The following ULK4 variants were observed in gnomAD, a reference collection of about 807,000 sequenced individuals.
ULK4 encodes the protein unc-51 like kinase 4, also known as inactive serine/threonine-protein kinase ULK4.
ULK4 carries 133 observed loss-of-function variants against 160.6 expected under a neutral mutation model. The ratio of observed to expected loss-of-function variants is 0.83; its 90% CI spans 0.72 to 0.96. The LOEUF is 0.96. Among genes scored for constraint, ULK4 ranks in the 40% least tolerant of loss-of-function variants. The probability of loss-of-function intolerance (pLI) is 0.00; values close to 1 mark genes in which losing one functional copy is unlikely to be tolerated. For missense variants in ULK4, 1,580 were observed against 1,499.5 expected (o/e 1.05, Z -0.89); for synonymous variants, 534 against 539.8 (o/e 0.99, Z 0.15).
chr3:41,918,545 A>T lies in ULK4; in HGVS notation c.644-5T>A. The stretch of plus-strand genomic sequence containing the variant: ...CTGAGAAGAATGGAGGTTTTCCTGA[A>T]ATCACATGAAAACTTGCAAAATGAA... On this transcript the variant is annotated splice_region_variant and splice_polypyrimidine_tract_variant and intron_variant, in intron 6 of 36. Transcript: ENST00000301831. The T allele has an allele frequency of 3.3e-6, 5 of 1,519,238 alleles. No homozygotes were observed. The highest frequency in any genetic ancestry group is 3.6e-6 in the Non-Finnish European group (4 of 1,124,388). 94.1% of individuals were successfully genotyped at this position (1,519,238 alleles called of 1,614,324 possible). A position where few individuals can be genotyped will look rare whatever the true frequency, so the allele number is the denominator to read the frequency against.
chr3:41,689,635 T>C (rs1335289617), intron 27 of ULK4, among the ~76,000 whole-genome samples: 5 of 152,098 alleles, frequency 3.3e-5, no homozygotes, highest in African/African-American at 1.2e-4. Flanking sequence ...GCAAAGGACA[T>C]GAATACACAC....
intron 20 of ULK4, among the ~76,000 whole-genome samples, chr3:41,793,301 T>G (rs1425950720): frequency 2.0e-5 from 3 of 152,226 alleles, no homozygotes; most frequent in Non-Finnish European, 1.5e-5. Flanking sequence ...CTCCAGAATT[T>G]GAATTTTCTT....
Position 41,911,216 on chromosome 3 carries a change from T to C in ULK4, c.1085+101A>G, listed in dbSNP as rs1023086864. 6 of 1,152,716 alleles carry C rather than the reference T, an allele frequency of 5.2e-6. No homozygotes were observed. In the African/African-American group the frequency reaches 7.8e-5, roughly 15 times the overall value. The allele number at this position is 1,152,716 out of a possible 1,614,324, so 71.4% of individuals were successfully genotyped here. A position where few individuals can be genotyped will look rare whatever the true frequency, so the allele number is the denominator to read the frequency against. On this transcript the variant is annotated intron_variant, in intron 11 of 36. Transcript: ENST00000301831. Reference sequence around the variant, plus strand: ...CTGGCATTTGGCACTAAAATTCCTGTTCTTTATCTCTGTGTAACAAAGTTT... The same window carrying C: ...CTGGCATTTGGCACTAAAATTCCTGCTCTTTATCTCTGTGTAACAAAGTTT...
intron 16 of ULK4, among the ~76,000 whole-genome samples, chr3:41,894,553 CT>C (rs1698086764): frequency 6.6e-6 from 1 of 152,168 alleles, no homozygotes; most frequent in African/African-American, 2.4e-5. Context: ...ATAACTACAA[CT>C]TCTACAACCC....
rs139871254 is a variant in ULK4, at chr3:41,943,018, C to G, written c.139-4821G>C. On this transcript the variant is annotated intron_variant, in intron 2 of 36. Transcript: ENST00000301831. The stretch of plus-strand genomic sequence containing the variant: ...CACGAGGTAAGGAGATCAAGACCAT[C>G]CTGGCTAATATGGTGAAACCCCATC... 4.0e-3 allele frequency among the ~76,000 whole-genome samples: 607 copies of G among 151,968 alleles called. 3 individuals are homozygous for G. The highest frequency in any genetic ancestry group is 0.014 in the African/African-American group (576 of 41,464).
rs1421103211 is a variant in ULK4, at chr3:41,340,061, ACT to A, written c.3678+58016_3678+58017del. Among the ~76,000 whole-genome samples the A allele has an allele frequency of 4.6e-5, 7 of 152,210 alleles. No individual in the cohort carries two copies. The South Asian group carries it at 8.3e-4, about 18-fold the overall frequency. On this transcript the variant is annotated intron_variant, in intron 35 of 36. Transcript: ENST00000301831. ...TCAATCTTCATTCTTCCCCTTTAAC[ACT>A]GTTTCCACTGCTGCTTATATCACAT...
chr3:41,771,212 A>G (rs1190844022), intron 21 of ULK4, among the ~76,000 whole-genome samples: 1 of 152,224 alleles, frequency 6.6e-6, no homozygotes, highest in African/African-American at 2.4e-5. Context: ...CTGTCAGAAT[A>G]TTTCCATTAA....
chr3:41,294,371 C>A (rs2079629414), intron 35 of ULK4, among the ~76,000 whole-genome samples: 1 of 152,156 alleles, frequency 6.6e-6, no homozygotes, highest in Non-Finnish European at 1.5e-5. Context: ...CCACTCTATA[C>A]AACTATGATA....
At chr3:41,504,494 G>A (rs939574381) in intron 32 of ULK4, among the ~76,000 whole-genome samples, 1 of 152,180 alleles carries the variant, frequency 6.6e-6, no homozygotes, top group African/African-American at 2.4e-5. Flanking sequence ...TGGAAGTGTA[G>A]AGCATAATTT....
intron 22 of ULK4, among the ~76,000 whole-genome samples, chr3:41,721,367 T>A (rs1384445428): frequency 6.4e-4 from 60 of 94,178 alleles, no homozygotes; most frequent in East Asian, 3.7e-3. Context: ...TATATATTTT[T>A]TTTTTTTTTT....
rs564132801 is a variant in ULK4 at position 41,287,818 on chromosome 3, G to A, written c.3679-38244C>T. Among the ~76,000 whole-genome samples, 17 of 152,324 alleles carry A rather than the reference G, an allele frequency of 1.1e-4. No homozygotes were observed. In the South Asian group the frequency reaches 1.9e-3, roughly 17 times the overall value. ...AACGAGAGTCACCCTGGAAAGGACC[G>A]CACTGAGGCTGAAGTCAGGTTTGTT... On this transcript the variant is annotated intron_variant, in intron 35 of 36. Coordinates refer to ENST00000301831, the MANE Select transcript of ULK4 (RefSeq NM_017886.4).
At chr3:41,744,066 T>C (rs2038335575) in intron 22 of ULK4, among the ~76,000 whole-genome samples, 1 of 151,818 alleles carries the variant, frequency 6.6e-6, no homozygotes, top group Non-Finnish European at 1.5e-5. Flanking sequence ...GAGCAACCAC[T>C]AAGGAAACTA....
chr3:41,629,531 G>T (rs2033664474), intron 30 of ULK4, among the ~76,000 whole-genome samples: 1 of 152,140 alleles, frequency 6.6e-6, no homozygotes, highest in Non-Finnish European at 1.5e-5. Flanking sequence ...CGCAAGTTAT[G>T]AAGGCAGTCC....
chr3:41,578,016 G>T (rs548819670), intron 31 of ULK4, among the ~76,000 whole-genome samples: 1 of 152,308 alleles, frequency 6.6e-6, no homozygotes, highest in South Asian at 2.1e-4. Flanking sequence ...AGCAAGTGAT[G>T]AATAGGCTAT....
At chr3:41,289,841 ATG>A (rs1275192498) in intron 35 of ULK4, among the ~76,000 whole-genome samples, 12 of 151,408 alleles carry the variant, frequency 7.9e-5, no homozygotes, top group African/African-American at 2.7e-4. Context: ...GTATGTATGT[ATG>A]TATGTATGTA....
At chr3:41,386,011 T>C (rs892941241) in intron 35 of ULK4, among the ~76,000 whole-genome samples, 35 of 152,218 alleles carry the variant, frequency 2.3e-4, no homozygotes, top group African/African-American at 8.2e-4. Context: ...CTTTATACCA[T>C]TTCTGGGAAG....
chr3:41,661,739 C>T (rs1218075939), intron 30 of ULK4, among the ~76,000 whole-genome samples: 14 of 152,116 alleles, frequency 9.2e-5, no homozygotes, highest in Non-Finnish European at 2.9e-5. Flanking sequence ...TCAAATATTA[C>T]TTGTTCAATC....
In ULK4 at chr3:41,317,230, G is replaced by C. The variant is rs868196776; in HGVS notation, c.3679-67656C>G. Among the ~76,000 whole-genome samples the C allele has an allele frequency of 1.4e-3, 209 of 151,450 alleles. 1 individual carries two copies. Among genetic ancestry groups the C allele is most frequent in the Middle Eastern group, 0.014 (4 of 292 alleles). The stretch of plus-strand genomic sequence containing the variant: ...AGCTGGGACTACAGGCGCCCGCCAC[G>C]GCGCCCGGCTAATTTTTTGTATTTT... On this transcript the variant is annotated intron_variant, in intron 35 of 36. Coordinates refer to ENST00000301831, the MANE Select transcript of ULK4 (RefSeq NM_017886.4).
intron 35 of ULK4, among the ~76,000 whole-genome samples, chr3:41,261,049 A>G (rs931674930): frequency 4.6e-5 from 7 of 152,184 alleles, no homozygotes; most frequent in African/African-American, 1.7e-4. Flanking sequence ...ATGAGTCTCC[A>G]TGTGGTGTAC....
Sources: gnomAD v4.1 joint callset for allele counts (sites outside exome capture counted in the v4.1 genomes callset) on GRCh38, gnomAD v4.1.1 for gene constraint, MANE v1.5 for transcripts, NCBI Gene and HGNC (gene_info 2026-07-23, HGNC 2026-07-21) for gene names.